Variants in LRRC8C observed in about 807,000 individuals in gnomAD.
LRRC8C encodes volume-regulated anion channel subunit LRRC8C.
LRRC8C carries 20 observed loss-of-function variants against 55.3 expected under a neutral mutation model. The observed-to-expected ratio is 0.36, with a 90% CI of 0.25 to 0.53. LRRC8C has a LOEUF of 0.53. Among genes scored for constraint, LRRC8C ranks in the 20% least tolerant of loss-of-function variants. The pLI, the probability that LRRC8C is intolerant of heterozygous loss-of-function variation, is 0.92. For synonymous variants in LRRC8C, 376 were observed against 360.7 expected (o/e 1.04, Z -0.48); for missense variants, 659 against 951.4 (o/e 0.69, Z 4.04).
intron 1 of LRRC8C, among the ~76,000 whole-genome samples, chr1:89,652,934 C>T (rs1656831326): frequency 6.6e-6 from 1 of 152,074 alleles, no homozygotes; most frequent in Non-Finnish European, 1.5e-5. Context: ...TAGGGGACAG[C>T]AAATATAAAT....
At chr1:89,668,417 T>C (rs1657328240) in intron 1 of LRRC8C, 1 of 152,222 alleles carries the variant, frequency 6.6e-6, no homozygotes, top group African/African-American at 2.4e-5. Context: ...GACTCCTTCA[T>C]GGACAGAAGC....
At chr1:89,623,242 A>AT in the LRRC8C span, among the ~76,000 whole-genome samples, 1 of 152,136 alleles carries the variant, frequency 6.6e-6, no homozygotes, top group East Asian at 1.9e-4. Context: ...CTGAGAATTG[A>AT]TTTTTAAATA....
intron 1 of LRRC8C, among the ~76,000 whole-genome samples, chr1:89,678,373 C>T (rs1657604511): frequency 6.6e-6 from 1 of 152,180 alleles, no homozygotes; most frequent in African/African-American, 2.4e-5. Flanking sequence ...CATCATGAAA[C>T]TTGCATTCTT....
In LRRC8C at chr1:89,712,805, ACTCCACTGC is replaced by A; in HGVS notation, c.242_250del (p.Leu81_Pro83del). ...TGTCTCTCAAGCAGTTGCCAGTACC[ACTCCACTGC>A]CTCCACCTAAACCATCTCCTGCTAA... On this transcript the variant is annotated inframe_deletion, in exon 3 of 3. Transcript: ENST00000370454. 1 of 1,613,944 alleles carries A rather than the reference ACTCCACTGC, an allele frequency of 6.2e-7. No individual in the cohort carries two copies. Among genetic ancestry groups the A allele is most frequent in the Non-Finnish European group, 8.5e-7 (1 of 1,179,968 alleles).
At chr1:89,704,832 A>G (rs978133423) in intron 2 of LRRC8C, among the ~76,000 whole-genome samples, 1 of 152,168 alleles carries the variant, frequency 6.6e-6, no homozygotes, top group East Asian at 1.9e-4. Context: ...GTGGGACTGT[A>G]AACTAGTTCA....
At chr1:89,707,063 G>C (rs1167934293) in intron 2 of LRRC8C, among the ~76,000 whole-genome samples, 1 of 152,056 alleles carries the variant, frequency 6.6e-6, no homozygotes, top group Non-Finnish European at 1.5e-5. Context: ...ACTTTAATTG[G>C]GAAGCCTTGA....
At chr1:89,628,502 C>A (rs1038674958), upstream of LRRC8C, among the ~76,000 whole-genome samples, 2 of 152,160 alleles carry the variant, frequency 1.3e-5, no homozygotes, top group Non-Finnish European at 2.9e-5. Flanking sequence ...TGATGTTGCA[C>A]CTCGGCCTCC....
chr1:89,665,619 T>C (rs1657238196), intron 1 of LRRC8C, among the ~76,000 whole-genome samples: 1 of 152,180 alleles, frequency 6.6e-6, no homozygotes, highest in African/African-American at 2.4e-5. Flanking sequence ...TATGAAAGCA[T>C]CAAAAAGTTA....
intron 1 of LRRC8C, among the ~76,000 whole-genome samples, chr1:89,653,414 A>G (rs1255006854): frequency 2.0e-5 from 3 of 152,022 alleles, no homozygotes; most frequent in Non-Finnish European, 1.5e-5. Flanking sequence ...GTCATGTATC[A>G]TGTAGCCTCT....
At chr1:89,626,640 A>C in the LRRC8C span, 1 of 152,210 alleles carries the variant, frequency 6.6e-6, no homozygotes, top group Non-Finnish European at 1.5e-5. Flanking sequence ...GGATATATTA[A>C]AAGATGCAAA....
chr1:89,702,845 A>G (rs1056461536), intron 2 of LRRC8C, among the ~76,000 whole-genome samples: 1 of 152,254 alleles, frequency 6.6e-6, no homozygotes, highest in Non-Finnish European at 1.5e-5. Context: ...AAGTCAATGA[A>G]TTATAAAATA....
intron 2 of LRRC8C, among the ~76,000 whole-genome samples, chr1:89,708,970 C>T (rs757972478): frequency 7.2e-5 from 11 of 152,078 alleles, no homozygotes; most frequent in Non-Finnish European, 1.3e-4. Context: ...ACTCAGCGCT[C>T]GTTTCTGGGT....
Position 89,715,836 on chromosome 1 carries a change from C to G in LRRC8C, c.*854C>G, listed in dbSNP as rs1658804234. On this transcript the variant is annotated 3_prime_UTR_variant, in exon 3 of 3. Coordinates refer to ENST00000370454, the MANE Select transcript of LRRC8C (RefSeq NM_032270.5). ...TGAGTAATTTAATCATCTTTCATAT[C>G]TTGATATGCAGCTGCATCAGATGGA... is the stretch of plus-strand genomic sequence containing the variant. 6.6e-6 allele frequency: 1 copy of G among 152,072 alleles called. No individual in the cohort carries two copies. 9.4% of individuals were successfully genotyped at this position (152,072 alleles called of 1,614,324 possible).
intron 2 of LRRC8C, among the ~76,000 whole-genome samples, chr1:89,707,651 A>AGTGTGTGT (rs34052147): frequency 0.01 from 1,402 of 140,020 alleles, 19 homozygotes; most frequent in African/African-American, 0.028. Context: ...TGTGTGTGTG[A>AGTGTGTGT]GTGTGTGTGT....
intron 1 of LRRC8C, among the ~76,000 whole-genome samples, chr1:89,638,660 C>A (rs552292686): frequency 6.6e-6 from 1 of 152,034 alleles, no homozygotes; most frequent in African/African-American, 2.4e-5. Flanking sequence ...GCAAATAAAA[C>A]ATACTTTATT....
In LRRC8C at chr1:89,712,750, G is replaced by A. The variant is rs1658686860; in HGVS notation, c.180G>A (p.Gln60=). ...DKIICLPKRV[Q]PAQNHSSLSN... Reference sequence around the variant, plus strand: ...TAATCTGCCTTCCGAAAAGAGTGCAGCCTGCTCAGAACCACTCTTCCCTTT... The same window carrying A: ...TAATCTGCCTTCCGAAAAGAGTGCAACCTGCTCAGAACCACTCTTCCCTTT... Residue 60 remains glutamine, a synonymous_variant, in exon 3 of 3, where the codon CAG becomes CAA. Coordinates refer to ENST00000370454, the MANE Select transcript of LRRC8C (RefSeq NM_032270.5). 1 of 1,614,136 alleles carries A rather than the reference G, an allele frequency of 6.2e-7. No individual in the cohort carries two copies. Among genetic ancestry groups the A allele is most frequent in the Admixed American group, 1.7e-5 (1 of 60,004 alleles).
the LRRC8C span, among the ~76,000 whole-genome samples, chr1:89,625,615 G>T: frequency 0.011 from 1,699 of 152,268 alleles, 25 homozygotes; most frequent in African/African-American, 0.039. Flanking sequence ...TGTGCGCATG[G>T]CTACGGCATT....
intron 1 of LRRC8C, among the ~76,000 whole-genome samples, chr1:89,674,967 T>A (rs1657513891): frequency 6.6e-6 from 1 of 152,176 alleles, no homozygotes; most frequent in Non-Finnish European, 1.5e-5. Context: ...TAGCTGGAAA[T>A]TTTAAATTTT....
Position 89,717,568 on chromosome 1 carries a change from T to C in LRRC8C, c.*2586T>C, listed in dbSNP as rs1658863744. On this transcript the variant is annotated 3_prime_UTR_variant, in exon 3 of 3. Coordinates refer to ENST00000370454, the MANE Select transcript of LRRC8C (RefSeq NM_032270.5). ...AAGAAGGAAAATTCATAGATATTCC[T>C]ATTAGATTTTATAAACCTTCAAAAG... 2 of 152,186 alleles carry C rather than the reference T, an allele frequency of 1.3e-5. No individual in the cohort carries two copies. Among genetic ancestry groups the C allele is most frequent in the South Asian group, 4.1e-4 (2 of 4,830 alleles). 9.4% of individuals were successfully genotyped at this position (152,186 alleles called of 1,614,324 possible).
Sources: gnomAD v4.1 joint callset for allele counts (sites outside exome capture counted in the v4.1 genomes callset) on GRCh38, gnomAD v4.1.1 for gene constraint, MANE v1.5 for transcripts, NCBI Gene and HGNC (gene_info 2026-07-23, HGNC 2026-07-21) for gene names.